The following CEP68 variants were observed in gnomAD, a reference collection of about 807,000 sequenced individuals.
CEP68 encodes centrosomal protein of 68 kDa.
A neutral mutation model predicts 55.3 loss-of-function variants in CEP68; 26 were observed. The ratio of observed to expected loss-of-function variants is 0.47; its 90% CI spans 0.34 to 0.65. The LOEUF (loss-of-function observed/expected upper bound fraction) is 0.65. CEP68 is among the 30% of genes least tolerant of loss of function. CEP68 has a pLI of 0.01. For missense variants in CEP68, 957 were observed against 946.7 expected (o/e 1.01, Z -0.14); for synonymous variants, 402 against 383.2 (o/e 1.05, Z -0.57).
intron 1 of CEP68, among the ~76,000 whole-genome samples, chr2:65,066,409 A>G: frequency 6.7e-6 from 1 of 148,530 alleles, no homozygotes; most frequent in African/African-American, 2.5e-5. Flanking sequence ...AGCCTGGCCA[A>G]GATGGCGAAA....
intron 1 of CEP68, among the ~76,000 whole-genome samples, chr2:65,058,068 G>A (rs1675730087): frequency 6.6e-6 from 1 of 152,234 alleles, no homozygotes; most frequent in South Asian, 2.1e-4. Flanking sequence ...TATAGTTCCT[G>A]GCACAAAGAA....
At chr2:65,078,217 A>T (rs1676851177) in intron 5 of CEP68, among the ~76,000 whole-genome samples, 1 of 152,196 alleles carries the variant, frequency 6.6e-6, no homozygotes, top group South Asian at 2.1e-4. Context: ...TGCAAGAATG[A>T]CGCTGTCTTT....
intron 5 of CEP68, among the ~76,000 whole-genome samples, 180 bp from the exon 6 acceptor site, chr2:65,082,356 T>C (rs1364513305): frequency 1.3e-5 from 2 of 152,216 alleles, no homozygotes; most frequent in Non-Finnish European, 2.9e-5. Flanking sequence ...ACATAGGTTC[T>C]CCAGTGCAAC....
intron 1 of CEP68, among the ~76,000 whole-genome samples, chr2:65,063,772 G>A (rs931908779): frequency 6.6e-6 from 1 of 152,206 alleles, no homozygotes; most frequent in African/African-American, 2.4e-5. Context: ...GCCTGGGCCA[G>A]TGTTTTCTTC....
intron 6 of CEP68, among the ~76,000 whole-genome samples, 157 bp downstream of exon 6, chr2:65,082,866 C>CT (rs2103805939): frequency 6.6e-6 from 1 of 152,284 alleles, no homozygotes; most frequent in Non-Finnish European, 1.5e-5. Context: ...GCTGGTCTTC[C>CT]TATGATGATG....
At position 65,067,838 on chromosome 2, in the gene CEP68, A is replaced by G. The variant is rs577326090; in HGVS notation, c.-46-1561A>G. On this transcript the variant is annotated intron_variant, in intron 1 of 6. Transcript: ENST00000377990. ...GGGAACTAGACGAGCGTCCGTGCGA[A>G]GGGCATGCTCTTCTCCAGGGTCACT... 7.9e-4 allele frequency among the ~76,000 whole-genome samples: 121 copies of G among 152,298 alleles called. 1 individual carries two copies. Among genetic ancestry groups the G allele is most frequent in the Middle Eastern group, 3.4e-3 (1 of 294 alleles).
At chr2:65,057,610 C>T (rs1675695355) in intron 1 of CEP68, among the ~76,000 whole-genome samples, 1 of 152,170 alleles carries the variant, frequency 6.6e-6, no homozygotes, top group South Asian at 2.1e-4. Flanking sequence ...TGTGGTTTCC[C>T]CAGCCCCTAG....
chr2:65,078,292 C>G (rs901958161), intron 5 of CEP68, among the ~76,000 whole-genome samples: 13 of 152,146 alleles, frequency 8.5e-5, no homozygotes, highest in African/African-American at 2.9e-4. Context: ...ATCCACCATC[C>G]TTAGTTTGTG....
At chr2:65,073,009 G>A in intron 3 of CEP68, 29 bp downstream of exon 3, 1 of 1,609,968 alleles carries the variant, frequency 6.2e-7, no homozygotes, top group Non-Finnish European at 8.5e-7. Context: ...AGGAAGCTTT[G>A]TGTACAGGTG....
chr2:65,076,999 T>G (rs75733665), intron 4 of CEP68, among the ~76,000 whole-genome samples: 46 of 42,068 alleles, frequency 1.1e-3, no homozygotes, highest in Non-Finnish European at 1.5e-3. Flanking sequence ...CTTTACCTTT[T>G]TTTTTTTTTT....
chr2:65,071,770 C>T lies in CEP68; in HGVS notation c.674C>T (p.Ser225Phe). 3.7e-6 allele frequency: 6 copies of T among 1,612,824 alleles called. No individual in the cohort carries two copies. Among genetic ancestry groups the T allele is most frequent in the Non-Finnish European group, 5.1e-6 (6 of 1,179,102 alleles). ...EPRGGSLAKV[S>F]SSLEPVVPQE... ...CGTGGTGGTTCTCTGGCCAAGGTCT[C>T]CTCCTCCCTGGAGCCGGTCGTCCCC... Residue 225 changes from serine (S) to phenylalanine (F), a missense_variant, in exon 3 of 7, where the codon TCC becomes TTC. Physicochemically the swap from Ser to Phe is radical, Grantham distance 155. Coordinates refer to ENST00000377990, the MANE Select transcript of CEP68 (RefSeq NM_015147.3).
rs1168452316 is a variant in CEP68 at position 65,086,958 on chromosome 2, G to GT, written c.*3325dup. On this transcript the variant is annotated 3_prime_UTR_variant, in exon 7 of 7. Coordinates refer to ENST00000377990, the MANE Select transcript of CEP68 (RefSeq NM_015147.3). ...ATCTTACCACTTATTTTTGTACCAT[G>GT]TATTTCAATTGCCTGTTTAGTGAAA... 1.3e-5 allele frequency: 2 copies of GT among 152,432 alleles called. No individual in the cohort carries two copies. The highest frequency in any genetic ancestry group is 4.8e-5 in the African/African-American group (2 of 41,368). The allele number at this position is 152,432 out of a possible 1,614,324, so 9.4% of individuals were successfully genotyped here.
chr2:65,077,945 C>T lies in CEP68; in HGVS notation c.2085C>T (p.Cys695=), dbSNP rs1366894720. Residue 695 remains cysteine (C), a synonymous_variant, in exon 5 of 7, where the codon TGC becomes TGT. Transcript: ENST00000377990. ...AGAAGGGGGAGATTCTTCTTCAGTGCCTGTTGGAGAACACCCCAGGTGAGA... is the reference window on the plus strand; with the variant it reads ...AGAAGGGGGAGATTCTTCTTCAGTGTCTGTTGGAGAACACCCCAGGTGAGA... ...VLQKGEILLQ[C]LLENTPVLED... is the part of the protein sequence containing the mutation. The T allele has an allele frequency of 6.2e-7, 1 of 1,613,428 alleles. No individual in the cohort carries two copies. Among genetic ancestry groups the T allele is most frequent in the South Asian group, 1.1e-5 (1 of 91,046 alleles).
In CEP68 at chr2:65,069,482, C is replaced by G. The variant is rs200538109; in HGVS notation, c.38C>G (p.Ser13Cys). Residue 13 changes from serine to cysteine, a missense_variant, in exon 2 of 7, where the codon TCT becomes TGT. Coordinates refer to ENST00000377990, the MANE Select transcript of CEP68 (RefSeq NM_015147.3). ...GAAGAAAAGGCAGAAGCGGAAGCAT[C>G]TGAAGACACAAAGGCCCAGTCCTAT... ...LGEEKAEAEASEDTKAQSYGR... is the reference protein window; with the variant it reads ...LGEEKAEAEACEDTKAQSYGR... The G allele has an allele frequency of 1.1e-4, 173 of 1,529,966 alleles. No homozygotes were observed. Among genetic ancestry groups the G allele is most frequent in the Admixed American group, 3.8e-4 (18 of 47,240 alleles). 94.8% of individuals were successfully genotyped at this position (1,529,966 alleles called of 1,614,324 possible). A position where few individuals can be genotyped will look rare whatever the true frequency, so the allele number is the denominator to read the frequency against.
chr2:65,071,351 T>C, intron 2 of CEP68, 103 bp from the exon 3 acceptor site: 1 of 981,974 alleles, frequency 1.0e-6, no homozygotes, highest in Non-Finnish European at 1.5e-6. Flanking sequence ...AGGTCTTTCC[T>C]AAATACTGTC....
At chr2:65,076,052 TTGAGTTCCTCACTTTGAGGAACTCCACAA>T (rs1466970467) in intron 4 of CEP68, among the ~76,000 whole-genome samples, 2 of 151,612 alleles carry the variant, frequency 1.3e-5, no homozygotes, top group South Asian at 2.1e-4. Context: ...AGAGGTTGCT[TTGAGTTCCTCACTTTGAGGAACTCCACAA>T]TGAGTTCCTC....
intron 3 of CEP68, chr2:65,073,958 C>T (rs1676636247): frequency 8.3e-6 from 2 of 241,656 alleles, no homozygotes; most frequent in East Asian, 1.0e-4. Context: ...GTATCTGGCT[C>T]CAAGATGCTG....
In CEP68 at chr2:65,071,698, C is replaced by G. The variant is rs369652529; in HGVS notation, c.602C>G (p.Ser201Cys). The change falls in exon 3 of 7, where the codon TCC becomes TGC. Residue 201 changes from serine (S) to cysteine (C), a missense_variant. By Grantham distance (112) the Ser-to-Cys change is moderately radical. Coordinates refer to ENST00000377990, the MANE Select transcript of CEP68 (RefSeq NM_015147.3). Reference protein sequence around the residue: ...AQPSSCSISASSTGSSLQGHQ... With the variant: ...AQPSSCSISACSTGSSLQGHQ... ...CCTTCCAGCTGCAGCATCTCTGCTTCCTCCACAGGCAGCAGTCTCCAGGGT... is the reference window on the plus strand; with the variant it reads ...CCTTCCAGCTGCAGCATCTCTGCTTGCTCCACAGGCAGCAGTCTCCAGGGT... 3.7e-5 allele frequency: 59 copies of G among 1,614,032 alleles called. No homozygotes were observed. The highest frequency in any genetic ancestry group is 4.0e-5 in the Non-Finnish European group (47 of 1,180,044).
intron 1 of CEP68, among the ~76,000 whole-genome samples, chr2:65,057,533 C>T (rs1336049156): frequency 6.6e-6 from 1 of 152,194 alleles, no homozygotes; most frequent in African/African-American, 2.4e-5. Context: ...CCCCACCCTG[C>T]GACTGATAAC....
Sources: gnomAD v4.1 joint callset for allele counts (sites outside exome capture counted in the v4.1 genomes callset) on GRCh38, gnomAD v4.1.1 for gene constraint, MANE v1.5 for transcripts, NCBI Gene and HGNC (gene_info 2026-07-23, HGNC 2026-07-21) for gene names.